HIVEP3: variants seen among roughly 807,000 people sequenced by gnomAD.
The protein encoded by HIVEP3 is HIVEP zinc finger 3.
In HIVEP3, 49 loss-of-function variants were observed where a neutral mutation model predicts 152.8. The ratio of observed to expected loss-of-function variants is 0.32; its 90% CI spans 0.26 to 0.41. HIVEP3 has a LOEUF of 0.41. HIVEP3 is among the 10% of genes least tolerant of loss of function. HIVEP3 has a pLI of 1.00. For synonymous variants in HIVEP3, 1,269 were observed against 1,289.0 expected (o/e 0.98, Z 0.33); for missense variants, 2,790 against 3,103.3 (o/e 0.90, Z 2.40).
intron 1 of HIVEP3, among the ~76,000 whole-genome samples, chr1:41,745,057 G>T (rs1245087835): frequency 1.3e-5 from 2 of 152,206 alleles, no homozygotes; most frequent in Non-Finnish European, 2.9e-5. Flanking sequence ...GAACCTGGGG[G>T]TCCCAGCACT....
At chr1:41,959,914 G>C (rs1205783134) in intron 1 of HIVEP3, among the ~76,000 whole-genome samples, 1 of 152,122 alleles carries the variant, frequency 6.6e-6, no homozygotes, top group East Asian at 1.9e-4. Flanking sequence ...TTACTGGCAA[G>C]GGGGTATGAC....
intron 3 of HIVEP3, among the ~76,000 whole-genome samples, chr1:41,587,360 G>A (rs903380248): frequency 3.3e-5 from 5 of 152,200 alleles, no homozygotes; most frequent in Non-Finnish European, 7.4e-5. Flanking sequence ...CAGGCTGAGT[G>A]TGGGGAAGAC....
chr1:41,754,532 C>T (rs1294083479), intron 1 of HIVEP3, among the ~76,000 whole-genome samples: 5 of 152,172 alleles, frequency 3.3e-5, no homozygotes, highest in Non-Finnish European at 5.9e-5. Context: ...GCCTGCCGTA[C>T]GTGTGGCTGC....
At chr1:41,577,906 A>G (rs1165797981) in intron 4 of HIVEP3, among the ~76,000 whole-genome samples, 2 of 152,366 alleles carry the variant, frequency 1.3e-5, no homozygotes, top group African/African-American at 4.8e-5. Flanking sequence ...GATTGGTGCA[A>G]TTCTGGAAGG....
intron 6 of HIVEP3, among the ~76,000 whole-genome samples, chr1:41,518,816 G>GT (rs1166156728): frequency 1.6e-5 from 2 of 128,992 alleles, no homozygotes; most frequent in Non-Finnish European, 3.6e-5. Context: ...AAGTGCAATA[G>GT]GTTTTTTTTT....
At chr1:41,537,989 T>G (rs1334503087) in intron 5 of HIVEP3, among the ~76,000 whole-genome samples, 3 of 152,182 alleles carry the variant, frequency 2.0e-5, no homozygotes, top group African/African-American at 4.8e-5. Flanking sequence ...AATATAAAGC[T>G]AAATAAAACC....
In HIVEP3 at chr1:41,950,256, G is replaced by T. The variant is rs555378992; in HGVS notation, n.120-31732C>A. Among the ~76,000 whole-genome samples the T allele has an allele frequency of 2.6e-5, 4 of 152,184 alleles. No homozygotes were observed. In the South Asian group the frequency reaches 8.3e-4, roughly 32 times the overall value. Reference sequence around the variant, plus strand: ...AGCCGGCAATGGCTACCCTCTTTGGGTCCCCTCCCTTTGTATGGGAGTTCT... The same window carrying T: ...AGCCGGCAATGGCTACCCTCTTTGGTTCCCCTCCCTTTGTATGGGAGTTCT... On this transcript the variant is annotated intron_variant and non_coding_transcript_variant, in intron 1 of 3. Transcript: ENST00000489103.
At chr1:42,027,751 TA>T (rs1645590710) in intron 1 of HIVEP3, among the ~76,000 whole-genome samples, 2 of 151,186 alleles carry the variant, frequency 1.3e-5, no homozygotes, top group East Asian at 3.9e-4. Flanking sequence ...TGGCGGGAGG[TA>T]AAAGGCACTT....
At chr1:41,604,457 A>C (rs1644789737) in intron 3 of HIVEP3, among the ~76,000 whole-genome samples, 1 of 152,142 alleles carries the variant, frequency 6.6e-6, no homozygotes, top group Non-Finnish European at 1.5e-5. Flanking sequence ...GAATGTGGAA[A>C]CTCCACAATT....
chr1:41,957,908 A>G (rs918657469), intron 1 of HIVEP3, among the ~76,000 whole-genome samples: 1 of 152,204 alleles, frequency 6.6e-6, no homozygotes, highest in African/African-American at 2.4e-5. Context: ...GGGCAAGCCA[A>G]TTCACCCACA....
chr1:41,653,588 C>T (rs1378167174), intron 2 of HIVEP3, among the ~76,000 whole-genome samples: 1 of 152,138 alleles, frequency 6.6e-6, no homozygotes, highest in Non-Finnish European at 1.5e-5. Context: ...AGATATCCTA[C>T]CCTTTTAAAA....
intron 6 of HIVEP3, among the ~76,000 whole-genome samples, chr1:41,521,599 C>T (rs1642761632): frequency 6.6e-6 from 1 of 152,244 alleles, no homozygotes; most frequent in African/African-American, 2.4e-5. Flanking sequence ...CTGTTGAGGG[C>T]CAGGGCCTCA....
chr1:41,607,183 C>T (rs1644833231), intron 3 of HIVEP3, among the ~76,000 whole-genome samples: 2 of 152,070 alleles, frequency 1.3e-5, no homozygotes, highest in South Asian at 4.1e-4. Flanking sequence ...TTTCTACCCA[C>T]CCCCTGACTG....
intron 1 of HIVEP3, among the ~76,000 whole-genome samples, chr1:41,816,051 C>G (rs1431877241): frequency 6.6e-6 from 1 of 152,166 alleles, no homozygotes; most frequent in East Asian, 1.9e-4. Flanking sequence ...TCAAGGTGGC[C>G]TTGGAAGCAG....
chr1:41,860,170 TA>T (rs1643870012), intron 1 of HIVEP3, among the ~76,000 whole-genome samples: 1 of 152,198 alleles, frequency 6.6e-6, no homozygotes, highest in Non-Finnish European at 1.5e-5. Flanking sequence ...AGCTTCTGCA[TA>T]AAGACACCCC....
chr1:41,639,468 T>C (rs1645339133), intron 2 of HIVEP3, among the ~76,000 whole-genome samples: 1 of 152,254 alleles, frequency 6.6e-6, no homozygotes, highest in African/African-American at 2.4e-5. Flanking sequence ...GTTTGCCACG[T>C]GGATCAGATG....
chr1:41,694,780 C>G (rs1328731623), intron 2 of HIVEP3, among the ~76,000 whole-genome samples: 1 of 152,190 alleles, frequency 6.6e-6, no homozygotes, highest in Non-Finnish European at 1.5e-5. Context: ...CTGAGCTAGA[C>G]TTTTACCAAT....
At chr1:41,883,179 G>A (rs1196898269) in intron 1 of HIVEP3, among the ~76,000 whole-genome samples, 1 of 151,962 alleles carries the variant, frequency 6.6e-6, no homozygotes, top group African/African-American at 2.4e-5. Context: ...AGACAACCTA[G>A]GAGGTCTGAG....
At chr1:41,796,453 C>T (rs1023761235) in intron 1 of HIVEP3, among the ~76,000 whole-genome samples, 1 of 152,236 alleles carries the variant, frequency 6.6e-6, no homozygotes, top group Admixed American at 6.5e-5. Flanking sequence ...CCACTAACTA[C>T]CTCCTGGTCG....
Sources: allele counts gnomAD v4.1 joint callset (sites outside exome capture counted in the v4.1 genomes callset), GRCh38; gene constraint gnomAD v4.1.1; transcripts MANE v1.5; gene names NCBI Gene and HGNC (gene_info 2026-07-23, HGNC 2026-07-21).